The following FSTL4 variants were observed in gnomAD, a reference collection of about 807,000 sequenced individuals.
FSTL4 encodes the protein follistatin-related protein 4.
FSTL4 carries 28 observed loss-of-function variants against 78.2 expected under a neutral mutation model. The ratio of observed to expected loss-of-function variants is 0.36; its 90% CI spans 0.27 to 0.49. The LOEUF (loss-of-function observed/expected upper bound fraction) is 0.49, where lower values mean the gene tolerates loss of function less well. Among genes scored for constraint, FSTL4 ranks in the 20% least tolerant of loss-of-function variants. The pLI, the probability that FSTL4 is intolerant of heterozygous loss-of-function variation, is 0.98. For missense variants in FSTL4, 922 were observed against 1,084.9 expected, an observed-to-expected ratio of 0.85 and a Z score of 2.11; for synonymous variants, 422 against 440.5, an observed-to-expected ratio of 0.96 and a Z score of 0.53.
intron 4 of FSTL4, among the ~76,000 whole-genome samples, chr5:133,320,038 C>A (rs1370607662): frequency 6.6e-6 from 1 of 152,108 alleles, no homozygotes; most frequent in Non-Finnish European, 1.5e-5. Context: ...GGCTTTTGAG[C>A]CTTCATCTCC....
At chr5:133,354,263 C>G (rs536387478) in intron 4 of FSTL4, among the ~76,000 whole-genome samples, 1 of 152,306 alleles carries the variant, frequency 6.6e-6, no homozygotes, top group East Asian at 1.9e-4. Flanking sequence ...AGACAAGGGG[C>G]TAGAATGACA....
At chr5:133,608,070 G>T (rs1761013531) in intron 1 of FSTL4, among the ~76,000 whole-genome samples, 1 of 152,148 alleles carries the variant, frequency 6.6e-6, no homozygotes, top group South Asian at 2.1e-4. Flanking sequence ...TAGTCCTACT[G>T]GCCTTCAGAT....
chr5:133,566,251 A>G (rs1226335683), intron 3 of FSTL4, among the ~76,000 whole-genome samples: 4 of 152,212 alleles, frequency 2.6e-5, no homozygotes, highest in African/African-American at 9.7e-5. Context: ...CCAGGCATGA[A>G]TATCCATGTA....
the FSTL4 span, among the ~76,000 whole-genome samples, chr5:133,676,628 A>G: frequency 6.6e-6 from 1 of 152,090 alleles, no homozygotes; most frequent in African/African-American, 2.4e-5. Flanking sequence ...TATTACATGA[A>G]GATGTAAGAA....
intron 3 of FSTL4, among the ~76,000 whole-genome samples, chr5:133,497,155 G>A (rs1758382851): frequency 6.6e-6 from 1 of 152,220 alleles, no homozygotes. Flanking sequence ...GAAGCAATGG[G>A]TCTACCACAG....
the FSTL4 span, among the ~76,000 whole-genome samples, chr5:133,729,551 C>A: frequency 1.3e-5 from 2 of 151,988 alleles, no homozygotes; most frequent in African/African-American, 2.4e-5. Flanking sequence ...CATTGTATTA[C>A]CATCTCATCT....
the FSTL4 span, among the ~76,000 whole-genome samples, chr5:133,831,190 G>A: frequency 6.6e-6 from 1 of 152,124 alleles, no homozygotes. Context: ...GTGTCCTAGA[G>A]GTAGCAAGAG....
At chr5:133,588,186 A>T (rs1437315103) in intron 2 of FSTL4, among the ~76,000 whole-genome samples, 1 of 121,240 alleles carries the variant, frequency 8.2e-6, no homozygotes, top group East Asian at 2.9e-4. Flanking sequence ...AAAACCCTAG[A>T]AGAAAACCTA....
At chr5:133,701,509 A>ACACACCCACCCCCC in the FSTL4 span, among the ~76,000 whole-genome samples, 1 of 132,624 alleles carries the variant, frequency 7.5e-6, no homozygotes, top group Non-Finnish European at 1.6e-5. Flanking sequence ...ACACACACAC[A>ACACACCCACCCCCC]CCCCACAGGC....
chr5:133,490,609 C>A (rs112390522), intron 3 of FSTL4, among the ~76,000 whole-genome samples: 1 of 152,240 alleles, frequency 6.6e-6, no homozygotes, highest in South Asian at 2.1e-4. Flanking sequence ...AAACTTTCAG[C>A]GATTTCAGTT....
chr5:133,387,601 A>G (rs914900244), intron 4 of FSTL4, among the ~76,000 whole-genome samples: 13 of 151,946 alleles, frequency 8.6e-5, no homozygotes, highest in African/African-American at 2.4e-4. Flanking sequence ...GCTCTTATGC[A>G]TTTCTCTCTA....
chr5:133,828,711 C>G, the FSTL4 span, among the ~76,000 whole-genome samples: 11 of 152,224 alleles, frequency 7.2e-5, no homozygotes, highest in Non-Finnish European at 2.9e-5. Flanking sequence ...CCCAACACCA[C>G]TATTTATCCC....
At chr5:133,270,167 G>T (rs1202359337) in intron 6 of FSTL4, 1 of 152,134 alleles carries the variant, frequency 6.6e-6, no homozygotes, top group Non-Finnish European at 1.5e-5. Flanking sequence ...AATGAACATT[G>T]ATCCCAGGTA....
intron 3 of FSTL4, among the ~76,000 whole-genome samples, chr5:133,463,657 A>G (rs1757639566): frequency 6.6e-6 from 1 of 152,176 alleles, no homozygotes; most frequent in Non-Finnish European, 1.5e-5. Flanking sequence ...TTTCTTACAT[A>G]ATCAGAGGAC....
intron 4 of FSTL4, among the ~76,000 whole-genome samples, chr5:133,351,650 C>T (rs1004989607): frequency 6.6e-6 from 1 of 152,162 alleles, no homozygotes; most frequent in Non-Finnish European, 1.5e-5. Context: ...CTGTGTCTCC[C>T]AGGCTGGAGT....
At chr5:133,479,420 A>G (rs1387063399) in intron 3 of FSTL4, among the ~76,000 whole-genome samples, 1 of 152,340 alleles carries the variant, frequency 6.6e-6, no homozygotes, top group East Asian at 1.9e-4. Flanking sequence ...CCATCTAAAG[A>G]GGGTAATACA....
the FSTL4 span, among the ~76,000 whole-genome samples, chr5:133,635,456 T>C: frequency 6.6e-6 from 1 of 152,236 alleles, no homozygotes; most frequent in African/African-American, 2.4e-5. Context: ...CCAGAAGTCT[T>C]ACCAGTTCCT....
the FSTL4 span, among the ~76,000 whole-genome samples, chr5:133,663,078 G>T: frequency 6.6e-6 from 1 of 152,182 alleles, no homozygotes; most frequent in South Asian, 2.1e-4. Context: ...GGTTGCCAGG[G>T]ATTAGAGTTG....
At chr5:133,398,181 TCCGTCAGGCTC>T in intron 4 of FSTL4, among the ~76,000 whole-genome samples, 1 of 152,324 alleles carries the variant, frequency 6.6e-6, no homozygotes, top group Middle Eastern at 3.4e-3. Context: ...CTGCCTTCCA[TCCGTCAGGCTC>T]CTGTGAATCA....
Sources: allele counts gnomAD v4.1 joint callset (sites outside exome capture counted in the v4.1 genomes callset), GRCh38; gene constraint gnomAD v4.1.1; transcripts MANE v1.5; gene names NCBI Gene and HGNC (gene_info 2026-07-23, HGNC 2026-07-21).